Variants in DOCK8 observed in about 807,000 individuals in gnomAD.
The protein encoded by DOCK8 is dedicator of cytokinesis 8.
In DOCK8, 141 loss-of-function variants were observed where a neutral mutation model predicts 245.6. The observed-to-expected ratio is 0.57, with a 90% confidence interval of 0.50 to 0.66. DOCK8 has a LOEUF of 0.66. Ranked by LOEUF, DOCK8 falls within the 30% of genes least tolerant of loss-of-function variation. DOCK8 has a pLI of 0.00. For missense variants in DOCK8, 2,965 were observed against 2,603.4 expected (o/e 1.14, Z -3.02); for synonymous variants, 1,168 against 970.2 (o/e 1.20, Z -3.79).
chr9:392,544 G>A (rs937233374), intron 24 of DOCK8, among the ~76,000 whole-genome samples: 9 of 152,190 alleles, frequency 5.9e-5, no homozygotes, highest in African/African-American at 2.2e-4. Context: ...GCATTTACCT[G>A]TCTTCTCAGG....
At position 382,667 on chromosome 9, in the gene DOCK8, G is replaced by A. The variant is rs778993684; in HGVS notation, c.2760G>A (p.Lys920=). The A allele has an allele frequency of 8.1e-6, 13 of 1,614,054 alleles. No individual in the cohort carries two copies. The Admixed American group carries it at 2.2e-4, about 27-fold the overall frequency. ...GTHSAADEEV[K]NIMSSKIADR... Reference sequence around the variant, plus strand: ...ACTCCGCAGCAGACGAGGAAGTGAAGAACATCATGTCTTCAAAGGTAGGAA... The same window carrying A: ...ACTCCGCAGCAGACGAGGAAGTGAAAAACATCATGTCTTCAAAGGTAGGAA... The change falls in exon 22 of 48, where the codon AAG becomes AAA. Residue 920 remains lysine (K), a synonymous_variant. Transcript: ENST00000432829.
At chr9:351,478 C>T (rs1410218) in intron 14 of DOCK8, among the ~76,000 whole-genome samples, 2 of 152,032 alleles carry the variant, frequency 1.3e-5, no homozygotes, top group Non-Finnish European at 2.9e-5. Flanking sequence ...GCTGTGATTA[C>T]AGCTGCCCAT....
chr9:437,382 G>C (rs144981658), intron 39 of DOCK8, among the ~76,000 whole-genome samples: 1 of 152,180 alleles, frequency 6.6e-6, no homozygotes, highest in South Asian at 2.1e-4. Context: ...CTCCTTTCTA[G>C]CAGTTGCAGA....
At chr9:455,554 G>A (rs537002361) in intron 46 of DOCK8, among the ~76,000 whole-genome samples, 1 of 152,034 alleles carries the variant, frequency 6.6e-6, no homozygotes, top group African/African-American at 2.4e-5. Context: ...AGTAGGTCTG[G>A]GGTTGGTCCT....
At chr9:370,925 A>G (rs2053259223) in intron 16 of DOCK8, among the ~76,000 whole-genome samples, 1 of 152,252 alleles carries the variant, frequency 6.6e-6, no homozygotes, top group Non-Finnish European at 1.5e-5. Context: ...TACATTACAT[A>G]CCTACATTAC....
chr9:277,653 T>G (rs569004789), intron 2 of DOCK8, among the ~76,000 whole-genome samples: 8 of 152,038 alleles, frequency 5.3e-5, no homozygotes, highest in Non-Finnish European at 1.2e-4. Flanking sequence ...AACCTTAAGC[T>G]ACATATTTTA....
chr9:439,522 G>C, intron 40 of DOCK8, 134 bp downstream of exon 40: 1 of 1,192,514 alleles, frequency 8.4e-7, no homozygotes, highest in Non-Finnish European at 1.2e-6. Context: ...GCGGGGCAGG[G>C]GATGGGCCCG....
At chr9:391,843 T>C (rs896158718) in intron 24 of DOCK8, among the ~76,000 whole-genome samples, 1 of 135,910 alleles carries the variant, frequency 7.4e-6, no homozygotes, top group Non-Finnish European at 1.6e-5. Flanking sequence ...TTTTTTTTTT[T>C]TAAAGAGAGT....
chr9:295,003 T>A (rs920082970), intron 4 of DOCK8, among the ~76,000 whole-genome samples: 7 of 151,958 alleles, frequency 4.6e-5, no homozygotes, highest in African/African-American at 1.7e-4. Flanking sequence ...CTACTAAAAC[T>A]ACAAAAATTA....
chr9:240,050 A>G (rs1400039528), intron 1 of DOCK8, among the ~76,000 whole-genome samples: 3 of 152,236 alleles, frequency 2.0e-5, no homozygotes, highest in Non-Finnish European at 2.9e-5. Flanking sequence ...TGCTAGAAAT[A>G]GAACCACAGA....
chr9:283,726 A>G (rs2048694415), intron 2 of DOCK8, among the ~76,000 whole-genome samples: 1 of 152,204 alleles, frequency 6.6e-6, no homozygotes, highest in South Asian at 2.1e-4. Flanking sequence ...ACATGATTTC[A>G]TTCTTTGTTA....
At chr9:316,934 C>A in intron 6 of DOCK8, 109 bp from the exon 7 acceptor site, 1 of 875,076 alleles carries the variant, frequency 1.1e-6, no homozygotes, top group South Asian at 1.4e-5. Context: ...AAAAGCAAAT[C>A]TAAGTTAACT....
chr9:281,495 G>C (rs1299892354), intron 2 of DOCK8, among the ~76,000 whole-genome samples: 1 of 152,138 alleles, frequency 6.6e-6, no homozygotes, highest in Non-Finnish European at 1.5e-5. Flanking sequence ...GTCTTGCCTT[G>C]AACCGATCTT....
intron 14 of DOCK8, among the ~76,000 whole-genome samples, chr9:349,947 C>T (rs1401611122): frequency 2.0e-5 from 3 of 152,118 alleles, no homozygotes; most frequent in Admixed American, 6.6e-5. Flanking sequence ...TTTCTTCTTT[C>T]TCCCTCCGCC....
In DOCK8 at chr9:452,011, G is replaced by T; in HGVS notation, c.5962G>T (p.Gly1988Ter). The T allele has an allele frequency of 6.8e-7, 1 of 1,460,108 alleles. No homozygotes were observed. 90.4% of individuals were successfully genotyped at this position (1,460,108 alleles called of 1,614,324 possible). ...TTTTTTTTTTTTTTTTTCCCACCAGGGACCACTGGAAGTAGCCCAAGTGTT... is the reference window on the plus strand; with the variant it reads ...TTTTTTTTTTTTTTTTTCCCACCAGTGACCACTGGAAGTAGCCCAAGTGTT... ...QGSVGATVNQGPLEVAQVFLA... is the reference protein window; with the variant it reads ...QGSVGATVNQ Residue 1988 changes from glycine to a stop codon, truncating the protein, a stop_gained and splice_region_variant, in exon 46 of 48, where the codon GGA (glycine) becomes TGA (stop). Transcript: ENST00000432829. LOFTEE classifies it high-confidence loss of function.
At chr9:253,014 G>C (rs1445713791) in intron 1 of DOCK8, among the ~76,000 whole-genome samples, 1 of 152,010 alleles carries the variant, frequency 6.6e-6, no homozygotes, top group Non-Finnish European at 1.5e-5. Flanking sequence ...TGTTTTTTCG[G>C]AAACTAGCCT....
intron 14 of DOCK8, among the ~76,000 whole-genome samples, chr9:357,400 A>C (rs2131074670): frequency 6.6e-6 from 1 of 152,288 alleles, no homozygotes; most frequent in East Asian, 1.9e-4. Context: ...CACTGAAAGA[A>C]ATCTTTAAAA....
chr9:332,831 A>G (rs1161806811), intron 10 of DOCK8, among the ~76,000 whole-genome samples: 1 of 148,758 alleles, frequency 6.7e-6, no homozygotes, highest in African/African-American at 2.5e-5. Flanking sequence ...CTAGTTTTTT[A>G]TTTTTTTTTA....
At chr9:309,443 A>G (rs989249781) in intron 5 of DOCK8, among the ~76,000 whole-genome samples, 25 of 152,272 alleles carry the variant, frequency 1.6e-4, no homozygotes, top group African/African-American at 5.3e-4. Context: ...TGAGAATAAC[A>G]TTTTGCCATA....
Sources: allele counts gnomAD v4.1 joint callset (sites outside exome capture counted in the v4.1 genomes callset), GRCh38; gene constraint gnomAD v4.1.1; transcripts MANE v1.5; gene names NCBI Gene and HGNC (gene_info 2026-07-23, HGNC 2026-07-21).